Variants in OASL observed in about 807,000 individuals in gnomAD.
OASL encodes 2'-5'-oligoadenylate synthase-like protein.
Under a neutral mutation model 35.3 loss-of-function variants are expected in OASL, and 28 were observed. The observed-to-expected ratio is 0.79, with a 90% CI of 0.59 to 1.09. The LOEUF is 1.09. Ranked by LOEUF, OASL falls within the 50% of genes least tolerant of loss-of-function variation. The pLI is 0.00. For missense variants in OASL, 620 were observed against 635.2 expected (o/e 0.98, Z 0.26); for synonymous variants, 252 against 254.6 (o/e 0.99, Z 0.10).
At chr12:121,033,598 C>T in exon 2 of OASL, 1 of 1,614,190 alleles carries the variant, frequency 6.2e-7, no homozygotes, top group South Asian at 1.1e-5. Flanking sequence ...CAGGTCCTGG[C>T]TTTGCCACAT....
In OASL at chr12:121,023,927, A is replaced by G. The variant is rs1462364404; in HGVS notation, c.1047+63T>C. On this transcript the variant is annotated intron_variant, in intron 5 of 5. Transcript: ENST00000257570. ...TCAACACAGAACTGAATGAGTAAAT[A>G]CTGAGTAGTTTATCTGTCGTTCTGA... 3 of 1,587,778 alleles carry G rather than the reference A, an allele frequency of 1.9e-6. No individual in the cohort carries two copies. In the Admixed American group the frequency reaches 5.1e-5, roughly 27 times the overall value.
intron 1 of OASL, among the ~76,000 whole-genome samples, chr12:121,035,409 G>T (rs971974461): frequency 6.6e-6 from 1 of 151,848 alleles, no homozygotes; most frequent in African/African-American, 2.4e-5. Flanking sequence ...CCTGTAATCC[G>T]AGCTACTGGG....
chr12:121,039,015 C>T (rs768609474), exon 1 of OASL: 44 of 1,548,830 alleles, frequency 2.8e-5, no homozygotes, highest in Non-Finnish European at 3.7e-5. Context: ...TATAGCCAGG[C>T]TCCTACCCAG....
At position 121,027,331 on chromosome 12, in the gene OASL, C is replaced by A. The variant is rs188297368; in HGVS notation, c.899+245G>T. On this transcript the variant is annotated intron_variant, in intron 4 of 5. Coordinates refer to ENST00000257570, the Ensembl canonical transcript of OASL. ...AAATGGTCTTCAGAGAGCAAGAAGGCCAAGCTAAGGTGGAGGGTGGCTTAG... is the reference window on the plus strand; with the variant it reads ...AAATGGTCTTCAGAGAGCAAGAAGGACAAGCTAAGGTGGAGGGTGGCTTAG... 4.6e-5 allele frequency among the ~76,000 whole-genome samples: 7 copies of A among 152,280 alleles called. No homozygotes were observed. In the East Asian group the frequency reaches 1.4e-3, roughly 29 times the overall value.
intron 1 of OASL, among the ~76,000 whole-genome samples, chr12:121,036,156 C>T (rs1222584809): frequency 2.0e-5 from 3 of 152,190 alleles, no homozygotes; most frequent in African/African-American, 7.2e-5. Context: ...AGCCACTGTG[C>T]CTGGCGTAGA....
At chr12:121,023,688 T>G (rs1194286801) in intron 5 of OASL, 1 of 280,232 alleles carries the variant, frequency 3.6e-6, no homozygotes, top group Non-Finnish European at 7.0e-6. Context: ...AATGGCTGAT[T>G]GAGCTGACTT....
intron 4 of OASL, among the ~76,000 whole-genome samples, chr12:121,026,530 G>A (rs1869490877): frequency 6.6e-6 from 1 of 152,186 alleles, no homozygotes; most frequent in African/African-American, 2.4e-5. Context: ...TTACTACTGT[G>A]GTCCACTGGA....
exon 6 of OASL, chr12:121,020,772 C>G: frequency 1.2e-6 from 2 of 1,614,120 alleles, no homozygotes; most frequent in African/African-American, 2.7e-5. Context: ...ATAGGCGTAG[C>G]TCCCACCATC....
chr12:121,020,874 C>A, exon 6 of OASL: 14 of 1,614,162 alleles, frequency 8.7e-6, no homozygotes, highest in Non-Finnish European at 1.2e-5. Flanking sequence ...GGCTAAGGAG[C>A]ACCTGCTGCT....
chr12:121,029,976 T>G (rs1869659348), intron 3 of OASL, among the ~76,000 whole-genome samples: 1 of 151,976 alleles, frequency 6.6e-6, no homozygotes, highest in African/African-American at 2.4e-5. Context: ...AAGTGATCCT[T>G]CCTCCTCAGC....
At chr12:121,023,329 T>C (rs562301947) in intron 5 of OASL, among the ~76,000 whole-genome samples, 201 of 148,928 alleles carry the variant, frequency 1.3e-3, no homozygotes, top group Non-Finnish European at 2.1e-3. Flanking sequence ...CCTCTTGCTG[T>C]CCAGGCTGGA....
chr12:121,029,825 T>A (rs1178807835), intron 3 of OASL, among the ~76,000 whole-genome samples: 1 of 152,226 alleles, frequency 6.6e-6, no homozygotes, highest in Non-Finnish European at 1.5e-5. Context: ...TATAACTTAT[T>A]TTCTTCAATA....
At chr12:121,038,076 G>C (rs139351807) in intron 1 of OASL, among the ~76,000 whole-genome samples, 6,673 of 147,668 alleles carry the variant, frequency 0.045, 380 homozygotes, top group Admixed American at 0.17. Context: ...GACAGAGCGA[G>C]ACCCTGTCTC....
chr12:121,038,294 A>G (rs572419850), intron 1 of OASL, among the ~76,000 whole-genome samples: 1 of 152,294 alleles, frequency 6.6e-6, no homozygotes, highest in African/African-American at 2.4e-5. Context: ...CAAACAAAAG[A>G]CAACCTTCTG....
exon 3 of OASL, chr12:121,031,511 T>A: frequency 6.2e-7 from 1 of 1,614,078 alleles, no homozygotes; most frequent in Non-Finnish European, 8.5e-7. Context: ...TCACGAAATT[T>A]CTCTGCAGCT....
At chr12:121,020,550 C>T in exon 6 of OASL, 1 of 1,591,516 alleles carries the variant, frequency 6.3e-7, no homozygotes, top group Non-Finnish European at 8.6e-7. Context: ...AGAGAAGTCT[C>T]CCAGAGAAAA....
At chr12:121,033,264 CT>C (rs371913310) in intron 2 of OASL, among the ~76,000 whole-genome samples, 196 bp downstream of exon 2, 19 of 152,218 alleles carry the variant, frequency 1.2e-4, no homozygotes, top group South Asian at 1.0e-3. Flanking sequence ...TGGTCAATTT[CT>C]GTATTCCAAG....
rs1293488709 is a variant in OASL at position 121,026,562 on chromosome 12, T to G, written c.899+1014A>C. ...TGGAGGCGATCTTTAGGAAAGAGTA[T>G]GGAATGGGGCCCAGTGCGGTGGCTC... On this transcript the variant is annotated intron_variant, in intron 4 of 5. Transcript: ENST00000257570. Among the ~76,000 whole-genome samples, 4 of 152,168 alleles carry G rather than the reference T, an allele frequency of 2.6e-5. No individual in the cohort carries two copies. In the East Asian group the frequency reaches 7.7e-4, roughly 29 times the overall value.
rs772440650 is a variant in OASL, at chr12:121,031,367, A to G, written c.657+75T>C. 1.6e-5 allele frequency: 24 copies of G among 1,462,144 alleles called. No homozygotes were observed. In the Admixed American group the frequency reaches 3.0e-4, roughly 18 times the overall value. The allele number at this position is 1,462,144 out of a possible 1,614,324, so 90.6% of individuals were successfully genotyped here. ...TTTCCCCTGGCTGCAGCTTCCTGAG[A>G]TGAAAATCAGGCCCTGCCTTTCCTC... On this transcript the variant is annotated intron_variant, in intron 3 of 5. Coordinates refer to ENST00000257570, the Ensembl canonical transcript of OASL.
Sources: allele counts gnomAD v4.1 joint callset (sites outside exome capture counted in the v4.1 genomes callset), GRCh38; gene constraint gnomAD v4.1.1; transcripts MANE v1.5; gene names NCBI Gene and HGNC (gene_info 2026-07-23, HGNC 2026-07-21).